Variants in ST6GALNAC3 observed in about 807,000 individuals in gnomAD.
The protein encoded by ST6GALNAC3 is ST6 N-acetylgalactosaminide alpha-2,6-sialyltransferase 3.
ST6GALNAC3 carries 25 observed loss-of-function variants against 32.7 expected under a neutral mutation model. The observed-to-expected ratio is 0.76, with a 90% CI of 0.56 to 1.07. The LOEUF (loss-of-function observed/expected upper bound fraction) is 1.07. Among genes scored for constraint, ST6GALNAC3 ranks in the 50% least tolerant of loss-of-function variants. The pLI is 0.00. For synonymous variants in ST6GALNAC3, 129 were observed against 133.1 expected (o/e 0.97, Z 0.21); for missense variants, 355 against 382.4 (o/e 0.93, Z 0.60).
At chr1:76,436,226 A>G (rs1470724065) in intron 3 of ST6GALNAC3, among the ~76,000 whole-genome samples, 2 of 152,176 alleles carry the variant, frequency 1.3e-5, no homozygotes, top group Non-Finnish European at 2.9e-5. Flanking sequence ...CTTAAGCTCA[A>G]ATTGCTAATA....
At chr1:76,359,239 G>A (rs928424592) in intron 2 of ST6GALNAC3, among the ~76,000 whole-genome samples, 1 of 152,144 alleles carries the variant, frequency 6.6e-6, no homozygotes, top group Non-Finnish European at 1.5e-5. Context: ...GTTGAATTAT[G>A]TCCCTCCATA....
At chr1:76,263,227 T>C (rs370362585) in intron 1 of ST6GALNAC3, among the ~76,000 whole-genome samples, 7 of 152,216 alleles carry the variant, frequency 4.6e-5, no homozygotes, top group Admixed American at 3.9e-4. Context: ...AGCTTCAGTT[T>C]CCTCATATTA....
intron 3 of ST6GALNAC3, among the ~76,000 whole-genome samples, chr1:76,536,424 A>G (rs2101835379): frequency 6.6e-6 from 1 of 152,238 alleles, no homozygotes; most frequent in Middle Eastern, 3.4e-3. Flanking sequence ...TATCCTTCAC[A>G]TGGTGTCAAG....
intron 1 of ST6GALNAC3, among the ~76,000 whole-genome samples, chr1:76,288,636 G>T (rs1570702865): frequency 1.3e-5 from 2 of 152,214 alleles, no homozygotes; most frequent in Admixed American, 6.5e-5. Context: ...TGAATGGTAT[G>T]GGTCTCCAAG....
At chr1:76,124,811 T>C (rs926003086) in intron 1 of ST6GALNAC3, among the ~76,000 whole-genome samples, 1 of 152,204 alleles carries the variant, frequency 6.6e-6, no homozygotes, top group Non-Finnish European at 1.5e-5. Context: ...CAACTATTAA[T>C]CTTCATTGTC....
Position 76,444,421 on chromosome 1 carries a change from T to TACAGTAA in ST6GALNAC3, c.623+32008_623+32014dup, listed in dbSNP as rs556759319. Among the ~76,000 whole-genome samples, 588 of 152,284 alleles carry TACAGTAA rather than the reference T, an allele frequency of 3.9e-3. 3 individuals are homozygous for TACAGTAA. Among genetic ancestry groups the TACAGTAA allele is most frequent in the Non-Finnish European group, 5.3e-3 (361 of 68,006 alleles). Reference sequence around the variant, plus strand: ...ACCTGACACTGTGCTAGCCACAGAGTACAGTAAACAACAGGCAAGTTCATG... The same window carrying TACAGTAA: ...ACCTGACACTGTGCTAGCCACAGAGTACAGTAAACAGTAAACAACAGGCAAGTTCATG... On this transcript the variant is annotated intron_variant, in intron 3 of 4. Coordinates refer to ENST00000328299, the MANE Select transcript of ST6GALNAC3 (RefSeq NM_152996.4).
At chr1:76,214,670 A>C (rs1655358212) in intron 1 of ST6GALNAC3, among the ~76,000 whole-genome samples, 1 of 152,230 alleles carries the variant, frequency 6.6e-6, no homozygotes, top group Non-Finnish European at 1.5e-5. Context: ...GTTCTTGCAC[A>C]CAGTAGGTAC....
chr1:76,412,246 T>C lies in ST6GALNAC3; in HGVS notation c.452T>C (p.Ile151Thr). 6.2e-7 allele frequency: 1 copy of C among 1,613,816 alleles called. No individual in the cohort carries two copies. Among genetic ancestry groups the C allele is most frequent in the Non-Finnish European group, 8.5e-7 (1 of 1,179,826 alleles). Residue 151 changes from isoleucine to threonine, a missense_variant, in exon 3 of 5, where the codon ATT (isoleucine) becomes ACT (threonine). Ile to Thr is a moderately conservative substitution (Grantham distance 89). Transcript: ENST00000328299. ...DYFFKEANTTIYVIWGPFRNM... is the reference protein window; with the variant it reads ...DYFFKEANTTTYVIWGPFRNM... ...TTTTTCAAGGAAGCGAATACTACTA[T>C]TTATGTTATTTGGGGACCTTTCCGC...
At chr1:76,392,047 G>A (rs1212941032) in intron 2 of ST6GALNAC3, among the ~76,000 whole-genome samples, 1 of 152,090 alleles carries the variant, frequency 6.6e-6, no homozygotes, top group Non-Finnish European at 1.5e-5. Context: ...CTTCGTTGTG[G>A]GTAGGGGGCT....
At chr1:76,473,414 A>G (rs1212363541) in intron 3 of ST6GALNAC3, among the ~76,000 whole-genome samples, 2 of 152,150 alleles carry the variant, frequency 1.3e-5, no homozygotes, top group African/African-American at 4.8e-5. Context: ...ACCATTTGAA[A>G]ATTTTTGTGG....
intron 3 of ST6GALNAC3, among the ~76,000 whole-genome samples, chr1:76,449,246 T>A (rs1657210919): frequency 6.6e-6 from 1 of 152,250 alleles, no homozygotes; most frequent in South Asian, 2.1e-4. Flanking sequence ...TTTTATGCCT[T>A]GATTTATTGC....
intron 3 of ST6GALNAC3, among the ~76,000 whole-genome samples, chr1:76,485,978 T>C (rs918262006): frequency 1.3e-5 from 2 of 152,248 alleles, no homozygotes; most frequent in African/African-American, 4.8e-5. Context: ...CATTTTGTTA[T>C]GCACCCAGTA....
intron 3 of ST6GALNAC3, among the ~76,000 whole-genome samples, chr1:76,588,951 A>G (rs1325221975): frequency 6.6e-6 from 1 of 152,162 alleles, no homozygotes; most frequent in African/African-American, 2.4e-5. Flanking sequence ...CAGGTCATTT[A>G]TCATCTATGT....
Position 76,244,434 on chromosome 1 carries a change from T to G in ST6GALNAC3, c.19-69371T>G, listed in dbSNP as rs565594308. Among the ~76,000 whole-genome samples the G allele has an allele frequency of 9.8e-5, 15 of 152,302 alleles. No homozygotes were observed. The South Asian group carries it at 2.7e-3, about 27-fold the overall frequency. ...TTCCTTTCTTCCTATTTGAATACAC[T>G]TTATTTCTTTTTCTTGCCTAATTTC... On this transcript the variant is annotated intron_variant, in intron 1 of 4. Coordinates refer to ENST00000328299, the MANE Select transcript of ST6GALNAC3 (RefSeq NM_152996.4).
At chr1:76,239,456 G>C (rs376047903) in intron 1 of ST6GALNAC3, among the ~76,000 whole-genome samples, 5 of 152,230 alleles carry the variant, frequency 3.3e-5, no homozygotes, top group African/African-American at 1.2e-4. Flanking sequence ...AAACAATGGT[G>C]CCAGTGTGTG....
intron 1 of ST6GALNAC3, among the ~76,000 whole-genome samples, chr1:76,161,972 G>A (rs1425902914): frequency 6.6e-6 from 1 of 152,196 alleles, no homozygotes; most frequent in Non-Finnish European, 1.5e-5. Flanking sequence ...GTTGGAAATC[G>A]ACATTTGCCA....
rs115582024 is a variant in ST6GALNAC3, at chr1:76,343,441, G to A, written c.213+29442G>A. Among the ~76,000 whole-genome samples the A allele has an allele frequency of 7.5e-3, 1,137 of 152,232 alleles. 10 individuals are homozygous for A. The highest frequency in any genetic ancestry group is 0.027 in the African/African-American group (1,101 of 41,530). On this transcript the variant is annotated intron_variant, in intron 2 of 4. Coordinates refer to ENST00000328299, the MANE Select transcript of ST6GALNAC3 (RefSeq NM_152996.4). ...TAGGTAGCTCCCTATCAGGAGAAAC[G>A]AAAATGAAAAGACCGTCGGATCAGT...
rs200315501 is a variant in ST6GALNAC3, at chr1:76,574,100, G to T, written c.624-53352G>T. 2.2e-4 allele frequency among the ~76,000 whole-genome samples: 33 copies of T among 152,184 alleles called. No individual in the cohort carries two copies. In the East Asian group the frequency reaches 6.2e-3, roughly 29 times the overall value. On this transcript the variant is annotated intron_variant, in intron 3 of 4. Transcript: ENST00000328299. ...TATAATCTATGGAAAATGGAAGAGA[G>T]AGAGTAGAAATACCCAGTATGAAAC...
intron 1 of ST6GALNAC3, among the ~76,000 whole-genome samples, chr1:76,262,144 C>G (rs1353268193): frequency 6.6e-6 from 1 of 152,096 alleles, no homozygotes; most frequent in Non-Finnish European, 1.5e-5. Flanking sequence ...TTACTGTGTC[C>G]CAGAAAAATG....
Sources: gnomAD v4.1 joint callset for allele counts (sites outside exome capture counted in the v4.1 genomes callset) on GRCh38, gnomAD v4.1.1 for gene constraint, MANE v1.5 for transcripts, NCBI Gene and HGNC (gene_info 2026-07-23, HGNC 2026-07-21) for gene names.